DOCK8: variants seen among roughly 807,000 people sequenced by gnomAD.
The protein encoded by DOCK8 is dedicator of cytokinesis 8.
A neutral mutation model predicts 245.6 loss-of-function variants in DOCK8; 141 were observed. The observed-to-expected ratio is 0.57, with a 90% CI of 0.50 to 0.66. DOCK8 has a LOEUF of 0.66. DOCK8 is among the 30% of genes least tolerant of loss of function. DOCK8 has a pLI of 0.00. For synonymous variants in DOCK8, 1,168 were observed against 970.2 expected, an observed-to-expected ratio of 1.20 and a Z score of -3.79; for missense variants, 2,965 against 2,603.4, an observed-to-expected ratio of 1.14 and a Z score of -3.02.
chr9:364,702 A>G (rs939923631), intron 14 of DOCK8, among the ~76,000 whole-genome samples: 1 of 151,748 alleles, frequency 6.6e-6, no homozygotes, highest in African/African-American at 2.4e-5. Context: ...GAAATGTGTT[A>G]AAGTCTTAAC....
chr9:364,896 C>T (rs1190090797), intron 14 of DOCK8, among the ~76,000 whole-genome samples: 2 of 152,154 alleles, frequency 1.3e-5, no homozygotes, highest in Admixed American at 1.3e-4. Flanking sequence ...ATGGACCAAT[C>T]AAATAGAACA....
chr9:436,391 A>G (rs2056903436), intron 39 of DOCK8, among the ~76,000 whole-genome samples: 1 of 152,222 alleles, frequency 6.6e-6, no homozygotes, highest in South Asian at 2.1e-4. Context: ...TTCTTTTCTC[A>G]AATTTATTTT....
intron 1 of DOCK8, among the ~76,000 whole-genome samples, chr9:232,913 C>T (rs1231861757): frequency 1.3e-5 from 2 of 152,218 alleles, no homozygotes; most frequent in African/African-American, 4.8e-5. Flanking sequence ...CTGCTCTGAT[C>T]TTAGTTATTT....
chr9:463,594 A>G lies in DOCK8; in HGVS notation c.6146A>G (p.Asn2049Ser). ...GAATATCAGCAGGAACTCAAAAAGAACTATAACAAGCTAAAAGAGAACCTC... is the reference window on the plus strand; with the variant it reads ...GAATATCAGCAGGAACTCAAAAAGAGCTATAACAAGCTAAAAGAGAACCTC... ...QREYQQELKKNYNKLKENLRP... is the reference protein window; with the variant it reads ...QREYQQELKKSYNKLKENLRP... The change falls in exon 47 of 48, where the codon AAC (asparagine) becomes AGC (serine). Residue 2049 changes from asparagine to serine, a missense_variant. This residue lies in a region of DOCK8 where 134 missense variants were observed against 128.1 expected (regional missense o/e 1.05). Coordinates refer to ENST00000432829, the MANE Select transcript of DOCK8 (RefSeq NM_203447.4). The G allele has an allele frequency of 6.2e-7, 1 of 1,614,206 alleles. No individual in the cohort carries two copies. Among genetic ancestry groups the G allele is most frequent in the Non-Finnish European group, 8.5e-7 (1 of 1,180,044 alleles).
chr9:346,125 A>G (rs1273078137), intron 14 of DOCK8, among the ~76,000 whole-genome samples: 1 of 151,924 alleles, frequency 6.6e-6, no homozygotes, highest in Non-Finnish European at 1.5e-5. Flanking sequence ...AATCACAAGC[A>G]GAAGGACAGC....
chr9:249,229 C>T (rs929938186), intron 1 of DOCK8, among the ~76,000 whole-genome samples: 16 of 152,192 alleles, frequency 1.1e-4, no homozygotes, highest in African/African-American at 3.6e-4. Context: ...ACTTCCTTCA[C>T]CAGAACATTC....
chr9:407,319 T>C (rs997476527), intron 28 of DOCK8, among the ~76,000 whole-genome samples: 1 of 152,210 alleles, frequency 6.6e-6, no homozygotes, highest in Non-Finnish European at 1.5e-5. Context: ...ACTATTTCAG[T>C]GGAATTTACC....
chr9:257,173 G>A (rs1349112697), intron 1 of DOCK8, among the ~76,000 whole-genome samples: 1 of 152,206 alleles, frequency 6.6e-6, no homozygotes, highest in Non-Finnish European at 1.5e-5. Context: ...AGATGGTTTG[G>A]GACTGGGGAA....
At chr9:329,251 C>G (rs12551953) in intron 9 of DOCK8, among the ~76,000 whole-genome samples, 1 of 151,826 alleles carries the variant, frequency 6.6e-6, no homozygotes, top group African/African-American at 2.4e-5. Flanking sequence ...TGTGCCCGGC[C>G]GTAAAATCAT....
intron 25 of DOCK8, among the ~76,000 whole-genome samples, chr9:397,399 T>A (rs2054515137): frequency 2.1e-5 from 3 of 143,410 alleles, no homozygotes; most frequent in Non-Finnish European, 3.0e-5. Flanking sequence ...GTTTAAATGA[T>A]CATATCAGGC....
chr9:403,572 A>C (rs1234942238), intron 26 of DOCK8, among the ~76,000 whole-genome samples: 1 of 152,124 alleles, frequency 6.6e-6, no homozygotes, highest in Admixed American at 6.6e-5. Flanking sequence ...AATGGCTGAA[A>C]ATATGTGTTC....
chr9:333,176 A>G (rs2051106985), intron 10 of DOCK8, among the ~76,000 whole-genome samples: 1 of 152,190 alleles, frequency 6.6e-6, no homozygotes, highest in South Asian at 2.1e-4. Flanking sequence ...CCTTTCAGGT[A>G]TGCAAATAAC....
chr9:289,632 C>A, intron 4 of DOCK8, 51 bp downstream of exon 4: 5 of 1,447,548 alleles, frequency 3.5e-6, no homozygotes, highest in Non-Finnish European at 4.8e-6. Flanking sequence ...TTTTATATTG[C>A]TAGTTTTTAA....
chr9:282,703 G>A (rs2048643160), intron 2 of DOCK8, among the ~76,000 whole-genome samples: 1 of 152,148 alleles, frequency 6.6e-6, no homozygotes, highest in Non-Finnish European at 1.5e-5. Flanking sequence ...GACTGCAGGT[G>A]TGAGCCACCT....
rs2056739802 is a variant in DOCK8 at position 432,191 on chromosome 9, T to G, written c.4652T>G (p.Val1551Gly). ...AATTTTGCAAGAGTAAAGATGCAAGTAACCATGTCCCTGGCATCTTTGGTG... is the reference window on the plus strand; with the variant it reads ...AATTTTGCAAGAGTAAAGATGCAAGGAACCATGTCCCTGGCATCTTTGGTG... ...TSNFARVKMQ[V>G]TMSLASLVGR... The change falls in exon 37 of 48, where the codon GTA becomes GGA. Residue 1551 changes from valine (V) to glycine (G), a missense_variant. This residue lies in a region of DOCK8 where 2,825 missense variants were observed against 2,453.5 expected (regional missense o/e 1.15). Transcript: ENST00000432829. The G allele has an allele frequency of 6.2e-7, 1 of 1,613,338 alleles. No individual in the cohort carries two copies. Among genetic ancestry groups the G allele is most frequent in the African/African-American group, 1.3e-5 (1 of 74,708 alleles).
intron 43 of DOCK8, among the ~76,000 whole-genome samples, chr9:445,329 A>T (rs1564077266): frequency 6.6e-6 from 1 of 152,216 alleles, no homozygotes; most frequent in Admixed American, 6.5e-5. Context: ...CATTATACTA[A>T]GTCGTGATTT....
intron 30 of DOCK8, 48 bp downstream of exon 30, chr9:418,255 T>C (rs763775897): frequency 1.2e-6 from 2 of 1,611,028 alleles, no homozygotes; most frequent in Non-Finnish European, 1.7e-6. Flanking sequence ...TCATGTCTTC[T>C]GTCTTCTGTT....
chr9:412,393 A>T (rs1258732941), intron 28 of DOCK8, among the ~76,000 whole-genome samples: 1 of 145,102 alleles, frequency 6.9e-6, no homozygotes, highest in Admixed American at 7.0e-5. Context: ...CCACAGAGTA[A>T]GACCCTGTCT....
At chr9:341,621 A>G (rs942276261) in intron 14 of DOCK8, among the ~76,000 whole-genome samples, 4 of 152,144 alleles carry the variant, frequency 2.6e-5, no homozygotes, top group African/African-American at 9.7e-5. Flanking sequence ...CCTTTTACAC[A>G]CACTTACACA....
Sources: gnomAD v4.1 joint callset for allele counts (sites outside exome capture counted in the v4.1 genomes callset) on GRCh38, gnomAD v4.1.1 for gene constraint, gnomAD v4.1.1 regional missense constraint, MANE v1.5 for transcripts, NCBI Gene and HGNC (gene_info 2026-07-23, HGNC 2026-07-21) for gene names.